The following RERE variants were observed in gnomAD, a reference collection of about 807,000 sequenced individuals.
RERE encodes arginine-glutamic acid dipeptide repeats protein.
Under a neutral mutation model 146.1 loss-of-function variants are expected in RERE, and 40 were observed. The ratio of observed to expected loss-of-function variants is 0.27; its 90% CI spans 0.21 to 0.36. RERE has a LOEUF of 0.36. Ranked by LOEUF, RERE falls within the 10% of genes least tolerant of loss-of-function variation. RERE has a pLI of 1.00. For synonymous variants in RERE, 1,003 were observed against 866.0 expected (o/e 1.16, Z -2.78); for missense variants, 1,933 against 2,138.7 (o/e 0.90, Z 1.90).
intron 7 of RERE, chr1:8,526,106 G>A (rs747319779): frequency 7.5e-6 from 8 of 1,066,674 alleles, no homozygotes; most frequent in Non-Finnish European, 9.1e-6. Context: ...TGCACACCAA[G>A]CTAGTGTGCA....
At chr1:8,546,599 G>C (rs1319146498) in intron 6 of RERE, among the ~76,000 whole-genome samples, 1 of 151,986 alleles carries the variant, frequency 6.6e-6, no homozygotes, top group African/African-American at 2.4e-5. Flanking sequence ...TGTAATTCCA[G>C]CACTTTGGGA....
intron 1 of RERE, among the ~76,000 whole-genome samples, chr1:8,804,727 T>G (rs1306653934): frequency 1.3e-5 from 2 of 149,294 alleles, no homozygotes; most frequent in East Asian, 4.1e-4. Flanking sequence ...AGAACTGATG[T>G]GAGAAAGTGG....
Position 8,708,943 on chromosome 1 carries a change from C to T in RERE, c.-144-52502G>A, listed in dbSNP as rs1486258413. On this transcript the variant is annotated intron_variant, in intron 1 of 22. Transcript: ENST00000400908. ...TTTTTTTTTTTTTGAGACAGAGTCT[C>T]ACTCTGTCGCCCAGGTTGGAGTGCA... Among the ~76,000 whole-genome samples the T allele has an allele frequency of 3.4e-5, 4 of 118,426 alleles. No individual in the cohort carries two copies. In the East Asian group the frequency reaches 8.1e-4, roughly 24 times the overall value. The allele number at this position is 118,426 out of a possible 152,430, so 77.7% of individuals were successfully genotyped here.
At chr1:8,646,086 A>G (rs1353331660) in intron 2 of RERE, among the ~76,000 whole-genome samples, 1 of 5,972 alleles carries the variant, frequency 1.7e-4, no homozygotes, top group Non-Finnish European at 3.3e-4. Context: ...ACCTGAGTCT[A>G]CCTAACAACA....
intron 4 of RERE, among the ~76,000 whole-genome samples, chr1:8,561,420 G>A (rs1646077186): frequency 6.6e-6 from 1 of 152,156 alleles, no homozygotes; most frequent in African/African-American, 2.4e-5. Context: ...GCAGTGTGTG[G>A]TTTCAGCAGT....
rs1017625849 is a variant in RERE, at chr1:8,491,183, G to T, written c.1104+3880C>A. Among the ~76,000 whole-genome samples the T allele has an allele frequency of 2.0e-5, 3 of 150,630 alleles. 1 individual carries two copies. The highest frequency in any genetic ancestry group is 5.0e-5 in the African/African-American group (2 of 39,932). ...GGGCCAGGCGCAGTGGCTCACGCCT[G>T]TAATCCCAGAACTTTGGGAGGCCAA... On this transcript the variant is annotated intron_variant, in intron 10 of 22. Transcript: ENST00000400908.
At chr1:8,742,020 T>C (rs1005252048) in intron 1 of RERE, among the ~76,000 whole-genome samples, 34 of 152,226 alleles carry the variant, frequency 2.2e-4, no homozygotes, top group Admixed American at 1.8e-3. Context: ...ATGATTTCAG[T>C]ATATTGTATG....
chr1:8,615,141 G>A (rs1345359959), intron 3 of RERE, among the ~76,000 whole-genome samples: 1 of 152,168 alleles, frequency 6.6e-6, no homozygotes, highest in Non-Finnish European at 1.5e-5. Flanking sequence ...ACTTAATAAG[G>A]AAATAGGGCA....
intron 1 of RERE, among the ~76,000 whole-genome samples, chr1:8,677,611 C>T (rs1486648828): frequency 1.3e-5 from 2 of 152,068 alleles, no homozygotes; most frequent in African/African-American, 4.8e-5. Flanking sequence ...GTTTCATGTA[C>T]CATCTCCCCT....
intron 11 of RERE, among the ~76,000 whole-genome samples, chr1:8,455,302 C>T (rs574062973): frequency 2.0e-5 from 3 of 152,036 alleles, no homozygotes; most frequent in East Asian, 1.9e-4. Context: ...AGTGCAGTGG[C>T]GAGATCACAA....
At chr1:8,588,818 A>G (rs935196375) in intron 4 of RERE, among the ~76,000 whole-genome samples, 2 of 152,190 alleles carry the variant, frequency 1.3e-5, no homozygotes, top group Non-Finnish European at 2.9e-5. Flanking sequence ...ACCTTAAAAC[A>G]TGGCTTAAGA....
At chr1:8,557,333 T>C in intron 5 of RERE, 85 bp downstream of exon 5, 1 of 929,738 alleles carries the variant, frequency 1.1e-6, no homozygotes, top group Non-Finnish European at 1.7e-6. Flanking sequence ...TTTCAAAAAG[T>C]TATCTTCATT....
intron 2 of RERE, among the ~76,000 whole-genome samples, chr1:8,647,995 A>G (rs1323101102): frequency 3.3e-5 from 5 of 152,182 alleles, no homozygotes; most frequent in Non-Finnish European, 5.9e-5. Flanking sequence ...ACATATACAG[A>G]GAAGTGCAAA....
At chr1:8,469,432 C>T (rs1644650718) in intron 10 of RERE, among the ~76,000 whole-genome samples, 2 of 152,104 alleles carry the variant, frequency 1.3e-5, no homozygotes, top group Non-Finnish European at 2.9e-5. Context: ...GCCTGGCCAA[C>T]AGGGTGAAAC....
intron 11 of RERE, among the ~76,000 whole-genome samples, chr1:8,457,038 T>C (rs1255614706): frequency 6.6e-6 from 1 of 152,238 alleles, no homozygotes; most frequent in Non-Finnish European, 1.5e-5. Context: ...CACTGCTGTA[T>C]CACCTGGCAG....
chr1:8,416,331 A>G (rs530654277), intron 12 of RERE, among the ~76,000 whole-genome samples: 1 of 152,180 alleles, frequency 6.6e-6, no homozygotes, highest in South Asian at 2.1e-4. Flanking sequence ...CACACCTGTA[A>G]TCCCAGCACT....
intron 11 of RERE, among the ~76,000 whole-genome samples, chr1:8,460,338 T>C (rs1325788005): frequency 2.0e-5 from 3 of 152,194 alleles, no homozygotes; most frequent in Non-Finnish European, 2.9e-5. Flanking sequence ...GTTGTGTGTA[T>C]TCTGTGTAAG....
At chr1:8,653,460 C>A (rs1396325496) in intron 2 of RERE, among the ~76,000 whole-genome samples, 1 of 152,158 alleles carries the variant, frequency 6.6e-6, no homozygotes, top group East Asian at 1.9e-4. Flanking sequence ...GTAATCCCAG[C>A]ACTTTGGGAG....
At chr1:8,532,648 A>G (rs1413628319) in intron 7 of RERE, among the ~76,000 whole-genome samples, 1 of 151,430 alleles carries the variant, frequency 6.6e-6, no homozygotes, top group Admixed American at 6.6e-5. Context: ...AGGCTGGAGT[A>G]CAATGGCACA....
Sources: allele counts gnomAD v4.1 joint callset (sites outside exome capture counted in the v4.1 genomes callset), GRCh38; gene constraint gnomAD v4.1.1; transcripts MANE v1.5; gene names NCBI Gene and HGNC (gene_info 2026-07-23, HGNC 2026-07-21).